AUTS2: variants seen among roughly 807,000 people sequenced by gnomAD.
AUTS2 encodes the protein activator of transcription and developmental regulator AUTS2.
A neutral mutation model predicts 112.4 loss-of-function variants in AUTS2; 17 were observed. The ratio of observed to expected loss-of-function variants is 0.15; its 90% CI spans 0.10 to 0.23. AUTS2 has a LOEUF of 0.23. Among genes scored for constraint, AUTS2 ranks in the 10% least tolerant of loss-of-function variants. The pLI, the probability that AUTS2 is intolerant of heterozygous loss-of-function variation, is 1.00. For synonymous variants in AUTS2, 751 were observed against 702.7 expected (o/e 1.07, Z -1.09); for missense variants, 1,510 against 1,701.6 (o/e 0.89, Z 1.98).
intron 1 of AUTS2, among the ~76,000 whole-genome samples, chr7:69,686,101 G>A (rs916415933): frequency 6.6e-6 from 1 of 152,142 alleles, no homozygotes. Context: ...CTGGGTGTAG[G>A]TTATACCAAA....
At chr7:70,602,196 C>G (rs1056353243) in intron 5 of AUTS2, among the ~76,000 whole-genome samples, 1 of 152,162 alleles carries the variant, frequency 6.6e-6, no homozygotes, top group Non-Finnish European at 1.5e-5. Flanking sequence ...TCTCACATAG[C>G]TAGGGCCTCT....
At chr7:70,784,791 C>T in intron 15 of AUTS2, 151 bp from the exon 16 acceptor site, 1 of 512,212 alleles carries the variant, frequency 2.0e-6, no homozygotes, top group Non-Finnish European at 3.5e-6. Context: ...TTTCTTTTAC[C>T]CTGTGTCTTG....
Position 69,953,897 on chromosome 7 carries a change from C to CT in AUTS2, c.522+54401dup, listed in dbSNP as rs1797120405. Among the ~76,000 whole-genome samples, 3 of 152,178 alleles carry CT rather than the reference C, an allele frequency of 2.0e-5. No individual in the cohort carries two copies. In the South Asian group the frequency reaches 6.2e-4, roughly 32 times the overall value. ...TCCTACTTTAGAGTCAAGGGCTGGC[C>CT]TTCCCCTGCATCTGTCTGCATATAC... is the stretch of plus-strand genomic sequence containing the variant. On this transcript the variant is annotated intron_variant, in intron 2 of 18. Transcript: ENST00000342771.
chr7:70,674,174 G>T (rs1235257446), intron 5 of AUTS2, among the ~76,000 whole-genome samples: 3 of 152,200 alleles, frequency 2.0e-5, no homozygotes, highest in African/African-American at 7.2e-5. Flanking sequence ...AAGGGGCGGT[G>T]GGGGAGGGGG....
At chr7:69,705,958 A>G (rs1292777097) in intron 1 of AUTS2, among the ~76,000 whole-genome samples, 1 of 151,934 alleles carries the variant, frequency 6.6e-6, no homozygotes, top group Non-Finnish European at 1.5e-5. Context: ...TAAAGACCTC[A>G]TTTTAATTAA....
intron 1 of AUTS2, among the ~76,000 whole-genome samples, chr7:69,897,881 A>ACC (rs1794818745): frequency 6.6e-6 from 1 of 152,176 alleles, no homozygotes; most frequent in Admixed American, 6.5e-5. Flanking sequence ...TAAAGTTGGG[A>ACC]GTGCTGGGAT....
chr7:69,975,663 C>T (rs1036882786), intron 2 of AUTS2, among the ~76,000 whole-genome samples: 1 of 151,490 alleles, frequency 6.6e-6, no homozygotes, highest in East Asian at 1.9e-4. Flanking sequence ...TTGAGCCCAT[C>T]CGTTGAATTT....
rs148625901 is a variant in AUTS2 at position 70,098,437 on chromosome 7, G to A, written c.523-19695G>A. 1.8e-3 allele frequency among the ~76,000 whole-genome samples: 267 copies of A among 152,296 alleles called. 1 individual carries two copies. Among genetic ancestry groups the A allele is most frequent in the African/African-American group, 5.9e-3 (245 of 41,564 alleles). On this transcript the variant is annotated intron_variant, in intron 2 of 18. Transcript: ENST00000342771. ...GGGCTGGGAGTCCTAGGAGGGGAGAGTGGATATGCTTAGACACCACTGCAG... is the reference window on the plus strand; with the variant it reads ...GGGCTGGGAGTCCTAGGAGGGGAGAATGGATATGCTTAGACACCACTGCAG...
intron 2 of AUTS2, among the ~76,000 whole-genome samples, chr7:69,915,918 C>A (rs949874250): frequency 6.6e-6 from 1 of 152,100 alleles, no homozygotes; most frequent in African/African-American, 2.4e-5. Flanking sequence ...GGGGTTTTGC[C>A]GTGGTGCCCA....
At position 69,960,786 on chromosome 7, in the gene AUTS2, G is replaced by A. The variant is rs1584495799; in HGVS notation, c.522+61288G>A. 2.0e-5 allele frequency among the ~76,000 whole-genome samples: 3 copies of A among 152,218 alleles called. No individual in the cohort carries two copies. In the South Asian group the frequency reaches 6.2e-4, roughly 32 times the overall value. ...GTGTCCCTTTCCGTGGACCTAATCA[G>A]CTTCTGTATTTTCTCCAAAGCTTCC... On this transcript the variant is annotated intron_variant, in intron 2 of 18. Transcript: ENST00000342771.
intron 5 of AUTS2, among the ~76,000 whole-genome samples, chr7:70,497,879 A>G (rs1214908351): frequency 1.3e-5 from 2 of 152,150 alleles, no homozygotes; most frequent in Non-Finnish European, 2.9e-5. Context: ...CTATTAACAA[A>G]TGTTTACTGA....
At chr7:69,689,640 T>TTTTATTTA (rs56128460) in intron 1 of AUTS2, among the ~76,000 whole-genome samples, 32 of 119,468 alleles carry the variant, frequency 2.7e-4, no homozygotes, top group South Asian at 1.9e-3. Context: ...GCACCCGGCC[T>TTTTATTTA]TTTATTTATT....
intron 5 of AUTS2, among the ~76,000 whole-genome samples, chr7:70,454,922 C>A (rs532092608): frequency 2.0e-5 from 3 of 152,184 alleles, no homozygotes; most frequent in Non-Finnish European, 4.4e-5. Context: ...GACCATTCCA[C>A]GAGCTGCTGT....
rs78824387 is a variant in AUTS2 at position 70,157,073 on chromosome 7, C to T, written c.660+22502C>T. Among the ~76,000 whole-genome samples, 206 of 151,132 alleles carry T rather than the reference C, an allele frequency of 1.4e-3. 5 individuals carry two copies. In the East Asian group the frequency reaches 0.039, roughly 28 times the overall value. Reference sequence around the variant, plus strand: ...GCCCGGGTGACACAGTGCAAGACTCCGTCTTACCAAAAAAAAAAGCAAGTG... The same window carrying T: ...GCCCGGGTGACACAGTGCAAGACTCTGTCTTACCAAAAAAAAAAGCAAGTG... On this transcript the variant is annotated intron_variant, in intron 4 of 18. Transcript: ENST00000342771.
intron 1 of AUTS2, among the ~76,000 whole-genome samples, chr7:69,780,492 C>G (rs950021978): frequency 6.6e-6 from 1 of 152,178 alleles, no homozygotes; most frequent in Non-Finnish European, 1.5e-5. Flanking sequence ...GATGATGTAA[C>G]TGTGGTCTAA....
chr7:70,146,397 T>G (rs1478276794), intron 4 of AUTS2, among the ~76,000 whole-genome samples: 1 of 152,172 alleles, frequency 6.6e-6, no homozygotes, highest in Non-Finnish European at 1.5e-5. Context: ...AACATGGATC[T>G]TATTAACAGT....
chr7:70,417,273 G>A (rs957439971), intron 4 of AUTS2, among the ~76,000 whole-genome samples: 3 of 152,300 alleles, frequency 2.0e-5, no homozygotes, highest in South Asian at 2.1e-4. Flanking sequence ...CAGAGGCAGC[G>A]GGAGAGGAAA....
At chr7:70,522,926 C>T (rs1799701305) in intron 5 of AUTS2, among the ~76,000 whole-genome samples, 1 of 152,196 alleles carries the variant, frequency 6.6e-6, no homozygotes, top group Non-Finnish European at 1.5e-5. Context: ...CACAACTGAG[C>T]TTCAGATTTT....
intron 2 of AUTS2, among the ~76,000 whole-genome samples, chr7:69,903,835 T>C (rs1323680878): frequency 6.6e-6 from 1 of 152,166 alleles, no homozygotes; most frequent in Non-Finnish European, 1.5e-5. Flanking sequence ...AAGGATGGCT[T>C]ATGTGGGAAT....
Sources: gnomAD v4.1 joint callset for allele counts (sites outside exome capture counted in the v4.1 genomes callset) on GRCh38, gnomAD v4.1.1 for gene constraint, MANE v1.5 for transcripts, NCBI Gene and HGNC (gene_info 2026-07-23, HGNC 2026-07-21) for gene names.